Variants in MIPOL1 observed in about 807,000 individuals in gnomAD.
The protein encoded by MIPOL1 is mirror-image polydactyly gene 1 protein.
In MIPOL1, 57 loss-of-function variants were observed where a neutral mutation model predicts 60.9. The observed-to-expected ratio is 0.94, with a 90% CI of 0.76 to 1.17. The LOEUF (loss-of-function observed/expected upper bound fraction) is 1.17, where lower values mean the gene tolerates loss of function less well. Among genes scored for constraint, MIPOL1 ranks in the 50% most tolerant of loss-of-function variants. The pLI is 0.00. For missense variants in MIPOL1, 551 were observed against 511.6 expected, an observed-to-expected ratio of 1.08 and a Z score of -0.74; for synonymous variants, 179 against 168.8, an observed-to-expected ratio of 1.06 and a Z score of -0.47.
intron 7 of MIPOL1, among the ~76,000 whole-genome samples, chr14:37,294,337 G>A (rs1357519195): frequency 6.6e-6 from 1 of 152,120 alleles, no homozygotes; most frequent in African/African-American, 2.4e-5. Context: ...ACCAAAGGTA[G>A]ATAAAACCAC....
intron 1 of MIPOL1, among the ~76,000 whole-genome samples, chr14:37,243,062 T>C (rs1972604387): frequency 6.6e-6 from 1 of 152,224 alleles, no homozygotes; most frequent in African/African-American, 2.4e-5. Context: ...TAAGTATTTG[T>C]TCTTACAAAT....
chr14:37,420,107 A>G (rs1055317259), intron 10 of MIPOL1, among the ~76,000 whole-genome samples: 1 of 152,020 alleles, frequency 6.6e-6, no homozygotes, highest in African/African-American at 2.4e-5. Flanking sequence ...AAAAAAAAAA[A>G]AGCAAGGTGT....
chr14:37,312,025 G>GGTTTGGTTT (rs1555391123), intron 9 of MIPOL1, among the ~76,000 whole-genome samples: 1 of 151,998 alleles, frequency 6.6e-6, no homozygotes, highest in Non-Finnish European at 1.5e-5. Flanking sequence ...TCTGAATTTG[G>GGTTTGGTTT]GTTTGTTTTT....
intron 3 of MIPOL1, among the ~76,000 whole-genome samples, chr14:37,260,258 A>G (rs866580608): frequency 6.6e-6 from 1 of 151,060 alleles, no homozygotes; most frequent in Non-Finnish European, 1.5e-5. Context: ...AAAAAAAAAA[A>G]GGAAACCTAA....
chr14:37,220,058 T>C (rs919278738), intron 1 of MIPOL1, among the ~76,000 whole-genome samples: 1 of 152,212 alleles, frequency 6.6e-6, no homozygotes, highest in Non-Finnish European at 1.5e-5. Context: ...TTTTACTTTG[T>C]GTGCCTTTTG....
chr14:37,260,376 T>G (rs1392799374), intron 3 of MIPOL1, among the ~76,000 whole-genome samples: 1 of 152,104 alleles, frequency 6.6e-6, no homozygotes, highest in East Asian at 1.9e-4. Context: ...TTAGGGAGCT[T>G]ACAGTCTAGA....
At chr14:37,399,885 C>G (rs746177823) in intron 10 of MIPOL1, 3 of 152,166 alleles carry the variant, frequency 2.0e-5, no homozygotes, top group Admixed American at 1.3e-4. Flanking sequence ...ACCTGGTCAC[C>G]TATTGCCAAA....
chr14:37,462,445 A>G (rs369104112), intron 11 of MIPOL1, among the ~76,000 whole-genome samples: 5 of 152,216 alleles, frequency 3.3e-5, no homozygotes, highest in Non-Finnish European at 7.3e-5. Context: ...ACATTTCTCC[A>G]TTGTCTTGGG....
intron 7 of MIPOL1, among the ~76,000 whole-genome samples, chr14:37,304,322 T>C (rs1230356210): frequency 6.6e-6 from 1 of 151,718 alleles, no homozygotes; most frequent in Non-Finnish European, 1.5e-5. Context: ...TTGGCTTTAA[T>C]GCTTTTTCTC....
At chr14:37,401,927 AC>A (rs1232168517) in intron 10 of MIPOL1, 3 of 152,134 alleles carry the variant, frequency 2.0e-5, no homozygotes, top group African/African-American at 7.2e-5. Flanking sequence ...TTCCAAATAC[AC>A]TATAGGAGTA....
intron 7 of MIPOL1, among the ~76,000 whole-genome samples, chr14:37,288,929 A>T (rs562038989): frequency 6.6e-6 from 1 of 152,354 alleles, no homozygotes; most frequent in Admixed American, 6.5e-5. Flanking sequence ...TTCTTTTCTC[A>T]TATGAAAGAA....
intron 6 of MIPOL1, chr14:37,277,194 A>C (rs2083729870): frequency 6.6e-6 from 1 of 151,324 alleles, no homozygotes; most frequent in Non-Finnish European, 1.5e-5. Flanking sequence ...ACATAAAAAT[A>C]ACAAAAATAA....
intron 7 of MIPOL1, among the ~76,000 whole-genome samples, chr14:37,305,282 C>A (rs1385083404): frequency 6.6e-6 from 1 of 151,764 alleles, no homozygotes; most frequent in Non-Finnish European, 1.5e-5. Flanking sequence ...GGCAAATATT[C>A]CAAATTGGCA....
intron 9 of MIPOL1, among the ~76,000 whole-genome samples, chr14:37,338,207 C>T (rs1243831326): frequency 2.0e-5 from 3 of 150,638 alleles, no homozygotes; most frequent in African/African-American, 4.9e-5. Context: ...CCTGGGTCCA[C>T]GCCATTCTCC....
At chr14:37,383,121 A>C (rs1225321504) in intron 10 of MIPOL1, among the ~76,000 whole-genome samples, 2 of 151,816 alleles carry the variant, frequency 1.3e-5, no homozygotes, top group African/African-American at 4.8e-5. Context: ...TCGTATCTAA[A>C]TGGCATTTAT....
intron 12 of MIPOL1, among the ~76,000 whole-genome samples, chr14:37,510,248 G>GT (rs1476520168): frequency 6.6e-6 from 1 of 151,710 alleles, no homozygotes; most frequent in African/African-American, 2.4e-5. Flanking sequence ...TTTTGTTTTG[G>GT]TTTTGGGGGT....
chr14:37,357,144 A>T (rs113454485), intron 9 of MIPOL1, among the ~76,000 whole-genome samples: 1 of 152,184 alleles, frequency 6.6e-6, no homozygotes, highest in Non-Finnish European at 1.5e-5. Context: ...TTGCTGGATC[A>T]TATGGTAGCT....
chr14:37,437,494 A>T (rs193277186), intron 11 of MIPOL1, among the ~76,000 whole-genome samples: 37 of 152,352 alleles, frequency 2.4e-4, no homozygotes, highest in Admixed American at 2.4e-3. Context: ...CACTTAAATT[A>T]TAATTAATAA....
intron 10 of MIPOL1, among the ~76,000 whole-genome samples, chr14:37,378,172 C>CT (rs1479299802): frequency 2.0e-5 from 3 of 152,052 alleles, no homozygotes; most frequent in Non-Finnish European, 4.4e-5. Flanking sequence ...TATAACCCAG[C>CT]TATTGCACTC....
Sources: gnomAD v4.1 joint callset for allele counts (sites outside exome capture counted in the v4.1 genomes callset) on GRCh38, gnomAD v4.1.1 for gene constraint, MANE v1.5 for transcripts, NCBI Gene and HGNC (gene_info 2026-07-23, HGNC 2026-07-21) for gene names.